ASAP1: variants seen among roughly 807,000 people sequenced by gnomAD.
ASAP1 encodes the protein ArfGAP with SH3 domain, ankyrin repeat and PH domain 1, also known as arf-GAP with SH3 domain, ANK repeat and PH domain-containing protein 1.
Under a neutral mutation model 145.2 loss-of-function variants are expected in ASAP1, and 43 were observed. The ratio of observed to expected loss-of-function variants is 0.30; its 90% CI spans 0.23 to 0.38. The LOEUF (loss-of-function observed/expected upper bound fraction) is 0.38, where lower values mean the gene tolerates loss of function less well. Among genes scored for constraint, ASAP1 ranks in the 10% least tolerant of loss-of-function variants. The probability of loss-of-function intolerance (pLI) is 1.00; values close to 1 mark genes in which losing one functional copy is unlikely to be tolerated. For missense variants in ASAP1, 1,018 were observed against 1,355.3 expected, an observed-to-expected ratio of 0.75 and a Z score of 3.91; for synonymous variants, 546 against 515.5, an observed-to-expected ratio of 1.06 and a Z score of -0.80.
At chr8:130,263,748 T>G (rs1192053751) in intron 3 of ASAP1, among the ~76,000 whole-genome samples, 1 of 152,238 alleles carries the variant, frequency 6.6e-6, no homozygotes, top group Non-Finnish European at 1.5e-5. Flanking sequence ...TAGGGCTTAT[T>G]CACCATGCTA....
chr8:130,152,060 A>G (rs1280712675), intron 13 of ASAP1, among the ~76,000 whole-genome samples: 1 of 152,228 alleles, frequency 6.6e-6, no homozygotes, highest in Non-Finnish European at 1.5e-5. Context: ...GTCAGCTGTA[A>G]GTCATACAAA....
chr8:130,057,632 T>G (rs1435904977), intron 29 of ASAP1, among the ~76,000 whole-genome samples: 1 of 152,148 alleles, frequency 6.6e-6, no homozygotes, highest in Non-Finnish European at 1.5e-5. Flanking sequence ...GTATTTTTAG[T>G]AGACACGGGG....
At chr8:130,400,588 C>T (rs1439515961) in intron 2 of ASAP1, among the ~76,000 whole-genome samples, 6 of 151,362 alleles carry the variant, frequency 4.0e-5, no homozygotes, top group African/African-American at 1.5e-4. Context: ...GAGATCAAGA[C>T]CATCCTGGCT....
intron 2 of ASAP1, chr8:130,361,858 C>A: frequency 1.1e-6 from 1 of 935,118 alleles, no homozygotes; most frequent in Non-Finnish European, 1.7e-6. Flanking sequence ...ACCATCCTCC[C>A]CAAAGCCAGG....
At chr8:130,062,898 C>T (rs776392630) in intron 27 of ASAP1, among the ~76,000 whole-genome samples, 3 of 152,064 alleles carry the variant, frequency 2.0e-5, no homozygotes, top group African/African-American at 7.2e-5. Flanking sequence ...TGCTTGAGCC[C>T]AGGGTCCAAG....
chr8:130,358,482 C>T lies in ASAP1; in HGVS notation c.60-339G>A, dbSNP rs1359710280. 6.7e-6 allele frequency among the ~76,000 whole-genome samples: 1 copy of T among 148,210 alleles called. No homozygotes were observed. The highest frequency in any genetic ancestry group is 1.5e-5 in the Non-Finnish European group (1 of 66,438). On this transcript the variant is annotated intron_variant, in intron 2 of 29. Transcript: ENST00000518721. The surrounding 1 kb of genome is among the most constrained non-coding windows in gnomAD (Gnocchi z 4.1). ...GGGACGCGGCTGCGCGCGGGGTCTT[C>T]GCGGGGGTCTGGGCTCCGGCCGGCC...
intron 5 of ASAP1, among the ~76,000 whole-genome samples, chr8:130,188,659 G>A (rs954331326): frequency 3.4e-5 from 5 of 145,730 alleles, no homozygotes; most frequent in Non-Finnish European, 6.1e-5. Flanking sequence ...ATTTAAACCT[G>A]GGAGGCGGAG....
intron 18 of ASAP1, 83 bp from the exon 19 acceptor site, chr8:130,118,758 G>T (rs892886232): frequency 6.6e-6 from 7 of 1,054,784 alleles, no homozygotes; most frequent in Non-Finnish European, 7.7e-6. Context: ...TTCTCTTTGA[G>T]AAGTTATTTT....
intron 25 of ASAP1, among the ~76,000 whole-genome samples, chr8:130,087,348 C>T (rs1279380022): frequency 2.6e-5 from 4 of 152,180 alleles, no homozygotes; most frequent in African/African-American, 9.6e-5. Flanking sequence ...GGTGAAACCC[C>T]GTCTCTATTA....
intron 28 of ASAP1, among the ~76,000 whole-genome samples, chr8:130,058,345 C>T (rs1266949612): frequency 6.6e-6 from 1 of 152,212 alleles, no homozygotes; most frequent in Non-Finnish European, 1.5e-5. Flanking sequence ...AGAAAGCAAA[C>T]ACTATGGGTA....
In ASAP1 at chr8:130,160,170, C is replaced by G. The variant is rs547244515; in HGVS notation, c.910-206G>C. ...GTCACAAAGCAAGTCCGAGGCAGAG[C>G]TGGGGTCTGGGTCTCTGATTTCTAG... On this transcript the variant is annotated intron_variant, in intron 11 of 29. Transcript: ENST00000518721. 1.7e-5 allele frequency: 9 copies of G among 540,762 alleles called. No individual in the cohort carries two copies. In the East Asian group the frequency reaches 2.6e-4, roughly 16 times the overall value. The allele number at this position is 540,762 out of a possible 1,614,324, so 33.5% of individuals were successfully genotyped here.
At chr8:130,094,140 T>C (rs1299519883) in intron 24 of ASAP1, among the ~76,000 whole-genome samples, 2 of 152,232 alleles carry the variant, frequency 1.3e-5, no homozygotes, top group Non-Finnish European at 2.9e-5. Context: ...GCCTTGCATC[T>C]GTATAATGCT....
chr8:130,324,134 C>A (rs1012155966), intron 3 of ASAP1, among the ~76,000 whole-genome samples: 1 of 152,156 alleles, frequency 6.6e-6, no homozygotes, highest in African/African-American at 2.4e-5. Flanking sequence ...CTGTAAAGGG[C>A]CTGTGAGTTT....
chr8:130,154,887 G>A (rs768248291), intron 12 of ASAP1, among the ~76,000 whole-genome samples: 15 of 152,174 alleles, frequency 9.9e-5, no homozygotes, highest in Non-Finnish European at 2.1e-4. Context: ...CTTTCTTCTA[G>A]AAGTACTGGC....
At chr8:130,204,662 A>C (rs1412644709) in intron 5 of ASAP1, among the ~76,000 whole-genome samples, 1 of 152,170 alleles carries the variant, frequency 6.6e-6, no homozygotes, top group Non-Finnish European at 1.5e-5. Flanking sequence ...AAAAGTATGC[A>C]TACGCTTCTC....
At chr8:130,113,604 T>G (rs1480358305) in intron 23 of ASAP1, among the ~76,000 whole-genome samples, 21 of 152,100 alleles carry the variant, frequency 1.4e-4, no homozygotes. Context: ...AATCAATTAA[T>G]GCATGAATGA....
At chr8:130,227,656 TTATA>T (rs1293707428) in intron 4 of ASAP1, among the ~76,000 whole-genome samples, 24 of 149,380 alleles carry the variant, frequency 1.6e-4, no homozygotes, top group Non-Finnish European at 3.6e-4. Context: ...TTATAAATTA[TTATA>T]TATATTATAC....
Position 130,288,110 on chromosome 8 carries a change from A to C in ASAP1, c.187-51116T>G, listed in dbSNP as rs549959094. On this transcript the variant is annotated intron_variant, in intron 3 of 29. Transcript: ENST00000518721. ...CCTGGCAGGAGCTCCAGCTACACGC[A>C]TCAAGCAATCAGTGCTAGGTGCTCC... is the stretch of plus-strand genomic sequence containing the variant. Among the ~76,000 whole-genome samples, 3 of 152,326 alleles carry C rather than the reference A, an allele frequency of 2.0e-5. No individual in the cohort carries two copies. In the East Asian group the frequency reaches 5.8e-4, roughly 29 times the overall value.
At chr8:130,316,554 G>A (rs1027080246) in intron 3 of ASAP1, among the ~76,000 whole-genome samples, 17 of 152,194 alleles carry the variant, frequency 1.1e-4, no homozygotes, top group Non-Finnish European at 2.2e-4. Flanking sequence ...TTATTTATAT[G>A]GGTTCTGGAA....
Sources: allele counts gnomAD v4.1 joint callset (sites outside exome capture counted in the v4.1 genomes callset), GRCh38; gene constraint gnomAD v4.1.1; non-coding constraint Gnocchi (gnomAD v3.1); transcripts MANE v1.5; gene names NCBI Gene and HGNC (gene_info 2026-07-23, HGNC 2026-07-21).